Variants in DPF3 observed in about 807,000 individuals in gnomAD.
DPF3 encodes the protein double PHD fingers 3.
A neutral mutation model predicts 56.8 loss-of-function variants in DPF3; 18 were observed. The observed-to-expected ratio is 0.32, with a 90% confidence interval of 0.22 to 0.47. DPF3 has a LOEUF of 0.47. DPF3 is among the 20% of genes least tolerant of loss of function. The probability of loss-of-function intolerance (pLI) is 1.00; values close to 1 mark genes in which losing one functional copy is unlikely to be tolerated. For synonymous variants in DPF3, 188 were observed against 180.2 expected, an observed-to-expected ratio of 1.04 and a Z score of -0.35; for missense variants, 403 against 488.8, an observed-to-expected ratio of 0.82 and a Z score of 1.65.
chr14:72,807,106 C>T (rs1414240331), intron 1 of DPF3, among the ~76,000 whole-genome samples: 3 of 152,162 alleles, frequency 2.0e-5, no homozygotes, highest in African/African-American at 7.2e-5. Context: ...ACCAGTCCAC[C>T]CTGAAACCTC....
chr14:72,850,552 G>C (rs926059021), intron 1 of DPF3, among the ~76,000 whole-genome samples: 1 of 152,192 alleles, frequency 6.6e-6, no homozygotes, highest in Admixed American at 6.5e-5. Context: ...CCCCTGCTCT[G>C]TTCAGTCACT....
At chr14:72,751,223 C>T (rs766149365) in intron 3 of DPF3, among the ~76,000 whole-genome samples, 40 of 152,140 alleles carry the variant, frequency 2.6e-4, no homozygotes, top group Non-Finnish European at 5.4e-4. Context: ...ATTAAAAAAA[C>T]TGTACATGTA....
At chr14:72,830,443 G>T (rs757350640) in intron 1 of DPF3, among the ~76,000 whole-genome samples, 1 of 152,188 alleles carries the variant, frequency 6.6e-6, no homozygotes, top group Non-Finnish European at 1.5e-5. Context: ...GAGACTCAGA[G>T]GTGAAGAATG....
At chr14:72,874,951 A>G (rs1428963007) in intron 1 of DPF3, among the ~76,000 whole-genome samples, 2 of 152,200 alleles carry the variant, frequency 1.3e-5, no homozygotes, top group African/African-American at 2.4e-5. Flanking sequence ...AAAGAGTTTT[A>G]ATTGGACTTA....
chr14:72,778,772 G>T (rs916485397), intron 1 of DPF3, among the ~76,000 whole-genome samples: 28 of 152,186 alleles, frequency 1.8e-4, no homozygotes, highest in Non-Finnish European at 5.9e-5. Context: ...AGGAGGACAG[G>T]TGAGAGAGAT....
chr14:72,753,199 TG>T, intron 3 of DPF3, 64 bp downstream of exon 3: 1 of 1,503,318 alleles, frequency 6.7e-7, no homozygotes, highest in Non-Finnish European at 9.1e-7. Flanking sequence ...AACCTTGTCC[TG>T]GGCCCAGCCC....
Position 72,723,616 on chromosome 14 carries a change from T to A in DPF3, c.525+17A>T. The stretch of plus-strand genomic sequence containing the variant: ...CCTCCCTCATCTCTTTCCTCGCTCA[T>A]GTCATCCCCAACTTACCCGTCCTCT... On this transcript the variant is annotated intron_variant, in intron 5 of 10. Transcript: ENST00000556509. The A allele has an allele frequency of 6.4e-7, 1 of 1,555,330 alleles. No homozygotes were observed. Among genetic ancestry groups the A allele is most frequent in the Non-Finnish European group, 8.6e-7 (1 of 1,159,282 alleles).
intron 6 of DPF3, among the ~76,000 whole-genome samples, chr14:72,706,082 C>T (rs1888392383): frequency 6.6e-6 from 1 of 152,206 alleles, no homozygotes; most frequent in South Asian, 2.1e-4. Context: ...CCAAAGCATC[C>T]ATTTCATAGC....
At chr14:72,803,209 T>C (rs994539238) in intron 1 of DPF3, among the ~76,000 whole-genome samples, 1 of 152,240 alleles carries the variant, frequency 6.6e-6, no homozygotes, top group Non-Finnish European at 1.5e-5. Context: ...TTCTGTCCCC[T>C]GGCTTCAAAT....
chr14:72,871,545 T>C (rs926120540), intron 1 of DPF3, among the ~76,000 whole-genome samples: 1 of 152,164 alleles, frequency 6.6e-6, no homozygotes, highest in South Asian at 2.1e-4. Context: ...TTCAAAATAA[T>C]CTCCTTTGAC....
At chr14:72,782,965 C>T (rs1356932531) in intron 1 of DPF3, among the ~76,000 whole-genome samples, 1 of 152,192 alleles carries the variant, frequency 6.6e-6, no homozygotes, top group Non-Finnish European at 1.5e-5. Context: ...GCTGGGCTCA[C>T]CTTTCCTGCT....
chr14:72,778,227 C>T (rs1412574554), intron 1 of DPF3, among the ~76,000 whole-genome samples: 2 of 152,202 alleles, frequency 1.3e-5, no homozygotes, highest in Admixed American at 1.3e-4. Context: ...CAGTCCATGC[C>T]TGTTAGGAAC....
At chr14:72,836,449 C>T (rs1884299241) in intron 1 of DPF3, 3 of 985,706 alleles carry the variant, frequency 3.0e-6, no homozygotes, top group African/African-American at 1.7e-5. Flanking sequence ...CCTCCCTGCT[C>T]CTGCCTGCCC....
At chr14:72,738,618 T>G (rs534193862) in intron 3 of DPF3, among the ~76,000 whole-genome samples, 1 of 152,150 alleles carries the variant, frequency 6.6e-6, no homozygotes, top group South Asian at 2.1e-4. Flanking sequence ...GGGCAGCATT[T>G]CCAAAGGCAA....
intron 2 of DPF3, among the ~76,000 whole-genome samples, 181 bp downstream of exon 2, chr14:72,771,552 G>A (rs1394235419): frequency 7.9e-6 from 1 of 126,292 alleles, no homozygotes; most frequent in Non-Finnish European, 1.6e-5. Flanking sequence ...CACATTCCTT[G>A]AAACACCTGC....
Position 72,616,376 on chromosome 14 carries a change from A to G in DPF3, c.*2921T>C, listed in dbSNP as rs1884091679. 6.6e-6 allele frequency among the ~76,000 whole-genome samples: 1 copy of G among 152,122 alleles called. No individual in the cohort carries two copies. Among genetic ancestry groups the G allele is most frequent in the African/African-American group, 2.4e-5 (1 of 41,422 alleles). ...CATTTTAAAGTCCCCAACCCCATGT[A>G]CATCCCTCACCTCCACCCCACAGCC... is the stretch of plus-strand genomic sequence containing the variant. On this transcript the variant is annotated 3_prime_UTR_variant, in exon 11 of 11. Coordinates refer to ENST00000556509, the MANE Select transcript of DPF3 (RefSeq NM_001280542.3).
intron 1 of DPF3, among the ~76,000 whole-genome samples, chr14:72,838,925 T>A (rs1230119188): frequency 2.5e-5 from 2 of 79,702 alleles, no homozygotes; most frequent in Non-Finnish European, 5.1e-5. Context: ...TTTTTTTTTT[T>A]TTTTTTTTTT....
chr14:72,861,801 A>AAAAGAAAG (rs1885448523), intron 1 of DPF3, among the ~76,000 whole-genome samples: 1 of 150,532 alleles, frequency 6.6e-6, no homozygotes, highest in African/African-American at 2.5e-5. Context: ...GAAAGAAAGA[A>AAAAGAAAG]AGAAGGAAAG....
chr14:72,635,349 G>A (rs1469475102), intron 8 of DPF3, among the ~76,000 whole-genome samples: 2 of 152,228 alleles, frequency 1.3e-5, no homozygotes, highest in Non-Finnish European at 2.9e-5. Flanking sequence ...GCATCTGAGA[G>A]CAGTGACAGC....
Sources: allele counts gnomAD v4.1 joint callset (sites outside exome capture counted in the v4.1 genomes callset), GRCh38; gene constraint gnomAD v4.1.1; transcripts MANE v1.5; gene names NCBI Gene and HGNC (gene_info 2026-07-23, HGNC 2026-07-21).